TTN: variants seen among roughly 807,000 people sequenced by gnomAD.
The protein encoded by TTN is connectin.
TTN carries 1,525 observed loss-of-function variants against 3,223.0 expected under a neutral mutation model. The observed-to-expected ratio is 0.47, with a 90% confidence interval of 0.45 to 0.49. The LOEUF (loss-of-function observed/expected upper bound fraction) is 0.49, where lower values mean the gene tolerates loss of function less well. Among genes scored for constraint, TTN ranks in the 20% least tolerant of loss-of-function variants. The probability of loss-of-function intolerance (pLI) is 0.00; values close to 1 mark genes in which losing one functional copy is unlikely to be tolerated. For missense variants in TTN, 40,786 were observed against 43,424.0 expected, an observed-to-expected ratio of 0.94 and a Z score of 5.40; for synonymous variants, 14,094 against 15,161.0, an observed-to-expected ratio of 0.93 and a Z score of 5.17.
Position 178,546,090 on chromosome 2 carries a change from T to A in TTN, c.95146A>T (p.Thr31716Ser). ...LDSPGPCGKLTVSRVTQEKCT... is the reference protein window; with the variant it reads ...LDSPGPCGKLSVSRVTQEKCT... ...TTCTCCTGTGTTACTCTGCTGACGG[T>A]GAGCTTTCCACATGGGCCAGGGGAA... Residue 31716 changes from threonine to serine, a missense_variant, in exon 343 of 363, where the codon ACC (threonine) becomes TCC (serine). Thr to Ser is a moderately conservative substitution (Grantham distance 58). Transcript: ENST00000589042. 6.2e-7 allele frequency: 1 copy of A among 1,610,722 alleles called. No individual in the cohort carries two copies. Among genetic ancestry groups the A allele is most frequent in the Non-Finnish European group, 8.5e-7 (1 of 1,177,658 alleles).
At position 178,566,196 on chromosome 2, in the gene TTN, T is replaced by A; in HGVS notation, c.79936A>T (p.Thr26646Ser). ...TCACAGTTATCTATTGATAGTTGGGTATAGTTTACTCCCTTTTCAATTTGG... is the reference window on the plus strand; with the variant it reads ...TCACAGTTATCTATTGATAGTTGGGAATAGTTTACTCCCTTTTCAATTTGG... ...KVQIEKGVNY[T>S]QLSIDNCDRN... Residue 26646 changes from threonine to serine, a missense_variant, in exon 326 of 363, where the codon ACC (threonine) becomes TCC (serine). Physicochemically the swap from Thr to Ser is moderately conservative, Grantham distance 58. Coordinates refer to ENST00000589042, the MANE Select transcript of TTN (RefSeq NM_001267550.2). The A allele has an allele frequency of 6.2e-7, 1 of 1,613,724 alleles. No individual in the cohort carries two copies. The highest frequency in any genetic ancestry group is 8.5e-7 in the Non-Finnish European group (1 of 1,179,712).
Position 178,553,643 on chromosome 2 carries a change from C to T in TTN, c.89362G>A (p.Gly29788Arg), listed in dbSNP as rs761199633. ...EEEWTTVSTK[G>R]EVRTTEYVVS... ...ACATATTCTGTAGTTCTGACCTCTC[C>T]TTTGGTAGAGACAGTAGTCCATTCC... Residue 29788 changes from glycine to arginine, a missense_variant, in exon 334 of 363, where the codon GGA becomes AGA. Physicochemically the swap from Gly to Arg is moderately radical, Grantham distance 125. Coordinates refer to ENST00000589042, the MANE Select transcript of TTN (RefSeq NM_001267550.2). 2 of 1,613,856 alleles carry T rather than the reference C, an allele frequency of 1.2e-6. No homozygotes were observed. The highest frequency in any genetic ancestry group is 2.2e-5 in the South Asian group (2 of 91,082).
In TTN at chr2:178,554,961, T is replaced by G. The variant is rs761934380; in HGVS notation, c.88498A>C (p.Ile29500Leu). The G allele has an allele frequency of 6.8e-6, 11 of 1,613,770 alleles. No homozygotes were observed. In the South Asian group the frequency reaches 8.8e-5, roughly 13 times the overall value. ...ENTTDLASIL[I>L]KDADRLNSGC... ...CTATTAAGGCGATCGGCATCTTTGA[T>G]GAGTATAGATGCGAGGTCCGTGGTA... is the stretch of plus-strand genomic sequence containing the variant. The change falls in exon 331 of 363, where the codon ATC (isoleucine) becomes CTC (leucine). Residue 29500 changes from isoleucine (I) to leucine (L), a missense_variant. Transcript: ENST00000589042.
chr2:178,664,490 G>A lies in TTN; in HGVS notation c.36250C>T (p.Pro12084Ser), dbSNP rs745720476. The change falls in exon 168 of 363, where the codon CCC becomes TCC. Residue 12084 changes from proline (P) to serine (S), a missense_variant. Pro to Ser is a moderately conservative substitution (Grantham distance 74). Transcript: ENST00000589042. ...EVVPEKKVHP[P>S]QRAEVVPVKV... The stretch of plus-strand genomic sequence containing the variant: ...ACAGGTACAACTTCAGCCCTTTGGG[G>A]AGGATGCACTTTCTTTTCCGGGACA... 1.9e-6 allele frequency: 3 copies of A among 1,612,314 alleles called. No homozygotes were observed. The highest frequency in any genetic ancestry group is 1.7e-5 in the Admixed American group (1 of 59,972).
Position 178,692,005 on chromosome 2 carries a change from C to T in TTN, c.31762+11G>A, listed in dbSNP as rs2072570670. The T allele has an allele frequency of 1.2e-6, 2 of 1,607,826 alleles. No individual in the cohort carries two copies. Among genetic ancestry groups the T allele is most frequent in the East Asian group, 4.5e-5 (2 of 44,826 alleles). On this transcript the variant is annotated intron_variant, in intron 121 of 362. Transcript: ENST00000589042. Reference sequence around the variant, plus strand: ...GAGCAAAGAGTCTCCCCATCATTGGCTCTGGCGTACCTTTTGGGGGAGCAG... The same window carrying T: ...GAGCAAAGAGTCTCCCCATCATTGGTTCTGGCGTACCTTTTGGGGGAGCAG...
rs555617953 is a variant in TTN at position 178,625,182 on chromosome 2, T to C, written c.44548+91A>G. ...GATTATTTGGTTGATTTTAAACATC[T>C]ATAGTACTCATCATATAAAGATAAT... On this transcript the variant is annotated intron_variant, in intron 241 of 362. Coordinates refer to ENST00000589042, the MANE Select transcript of TTN (RefSeq NM_001267550.2). 5.4e-5 allele frequency: 78 copies of C among 1,454,936 alleles called. 1 individual carries two copies. The highest frequency in any genetic ancestry group is 5.0e-4 in the South Asian group (38 of 76,666). 90.1% of individuals were successfully genotyped at this position (1,454,936 alleles called of 1,614,324 possible). A position where few individuals can be genotyped will look rare whatever the true frequency, so the allele number is the denominator to read the frequency against.
At position 178,720,983 on chromosome 2, in the gene TTN, T is replaced by G. The variant is rs1052929607; in HGVS notation, c.23036A>C (p.Tyr7679Ser). 3.1e-6 allele frequency: 5 copies of G among 1,609,648 alleles called. No homozygotes were observed. The highest frequency in any genetic ancestry group is 4.3e-6 in the Non-Finnish European group (5 of 1,176,326). The change falls in exon 79 of 363, where the codon TAC (tyrosine) becomes TCC (serine). Residue 7679 changes from tyrosine (Y) to serine (S), a missense_variant. Coordinates refer to ENST00000589042, the MANE Select transcript of TTN (RefSeq NM_001267550.2). Reference protein sequence around the residue: ...NEASAEDSGDYICEAHNGVGD... With the variant: ...NEASAEDSGDSICEAHNGVGD... ...AACACCATTATGAGCCTCACAAATG[T>G]AGTCCCCGCTGTCTTCAGCACTAGC...
chr2:178,681,233 T>TA (rs2069317273), intron 137 of TTN, 62 bp from the exon 138 acceptor site: 1 of 1,488,390 alleles, frequency 6.7e-7, no homozygotes, highest in African/African-American at 1.4e-5. Flanking sequence ...ATGTAATAAA[T>TA]ACACATAAAA....
chr2:178,646,964 T>C (rs942050797), intron 215 of TTN, 100 bp downstream of exon 215: 1 of 403,054 alleles, frequency 2.5e-6, no homozygotes, highest in African/African-American at 2.1e-5. Flanking sequence ...TGCTCTTGTA[T>C]ATAATTTCAA....
chr2:178,759,227 A>G, intron 43 of TTN, 55 bp from the exon 44 acceptor site: 1 of 1,563,624 alleles, frequency 6.4e-7, no homozygotes, highest in Non-Finnish European at 8.8e-7. Context: ...GGATTTTTAC[A>G]ATTTACCTGC....
At chr2:178,685,038 T>G (rs2070479922) in intron 129 of TTN, 49 bp from the exon 130 acceptor site, 4 of 1,445,132 alleles carry the variant, frequency 2.8e-6, no homozygotes, top group Non-Finnish European at 3.8e-6. Flanking sequence ...ACATATGAAG[T>G]GACACAGTTG....
chr2:178,595,883 AAGG>A, intron 294 of TTN, 74 bp from the exon 295 acceptor site: 1 of 1,421,542 alleles, frequency 7.0e-7, no homozygotes, highest in Non-Finnish European at 9.5e-7. Flanking sequence ...GTTTTTTTAA[AAGG>A]AGACAAAAAT....
chr2:178,641,260 T>C lies in TTN; in HGVS notation c.40614A>G (p.Glu13538=), dbSNP rs1219492564. ...TCCTACCTGCAGGTTTTTTAACTTT[T>C]TCTAGTTTTTTAGGTTCTACTTTAG... ...EEPKVEPKKL[E]KVKKPAVPEP... The change falls in exon 220 of 363, where the codon GAA becomes GAG. Residue 13538 remains glutamate (E), a synonymous_variant. Coordinates refer to ENST00000589042, the MANE Select transcript of TTN (RefSeq NM_001267550.2). 1 of 1,511,522 alleles carries C rather than the reference T, an allele frequency of 6.6e-7. No homozygotes were observed. Among genetic ancestry groups the C allele is most frequent in the South Asian group, 1.3e-5 (1 of 77,286 alleles). The allele number at this position is 1,511,522 out of a possible 1,614,324, so 93.6% of individuals were successfully genotyped here.
Position 178,535,110 on chromosome 2 carries a change from A to G in TTN, c.101505T>C (p.Arg33835=), listed in dbSNP as rs368694347. The G allele has an allele frequency of 4.2e-5, 68 of 1,613,842 alleles. No individual in the cohort carries two copies. Among genetic ancestry groups the G allele is most frequent in the Non-Finnish European group, 5.5e-5 (65 of 1,179,846 alleles). Residue 33835 remains arginine (R), a synonymous_variant, in exon 358 of 363, where the codon CGT becomes CGC. Coordinates refer to ENST00000589042, the MANE Select transcript of TTN (RefSeq NM_001267550.2). The part of the protein sequence containing the change: ...LGRGEFGIVH[R]CVETSSKKTY... ...TCTTCTTTGAGGATGTTTCAACACA[A>G]CGATGGACAATTCCAAACTCACCAC...
chr2:178,604,364 C>T, intron 281 of TTN, 59 bp from the exon 282 acceptor site: 2 of 1,310,694 alleles, frequency 1.5e-6, no homozygotes, highest in Non-Finnish European at 2.0e-6. Flanking sequence ...GGTTTTCACT[C>T]ATTTAAAAAT....
chr2:178,680,988 C>A, intron 138 of TTN, 91 bp downstream of exon 138: 1 of 1,136,032 alleles, frequency 8.8e-7, no homozygotes, highest in East Asian at 2.5e-5. Context: ...ATTTAAAAGA[C>A]ATGAAACAAC....
intron 4 of TTN, 25 bp from the exon 5 acceptor site, chr2:178,799,935 T>C (rs2093975786): frequency 3.1e-6 from 5 of 1,611,280 alleles, no homozygotes; most frequent in Non-Finnish European, 4.2e-6. Context: ...AGATGAATGT[T>C]TGGGAGGGGG....
chr2:178,740,602 C>G lies in TTN; in HGVS notation c.12631G>C (p.Gly4211Arg). ...PLKTLLAEPEGNYPQSSIEPP... is the reference protein window; with the variant it reads ...PLKTLLAEPERNYPQSSIEPP... ...TCTATTGAAGACTGTGGATAATTCC[C>G]TTCAGGTTCAGCTAATAAAGTTTTC... is the stretch of plus-strand genomic sequence containing the variant. The change falls in exon 48 of 363, where the codon GGG becomes CGG. Residue 4211 changes from glycine to arginine, a missense_variant. Gly to Arg is a moderately radical substitution (Grantham distance 125, BLOSUM62 -2). Coordinates refer to ENST00000589042, the MANE Select transcript of TTN (RefSeq NM_001267550.2). 1.2e-6 allele frequency: 2 copies of G among 1,613,780 alleles called. No homozygotes were observed. The highest frequency in any genetic ancestry group is 1.7e-6 in the Non-Finnish European group (2 of 1,179,818).
At chr2:178,688,070 T>A (rs762058032) in intron 127 of TTN, 41 bp downstream of exon 127, 2 of 1,569,958 alleles carry the variant, frequency 1.3e-6, no homozygotes, top group Non-Finnish European at 1.7e-6. Context: ...AAACACCTCA[T>A]CAAAACCCCA....
Sources: gnomAD v4.1 joint callset for allele counts on GRCh38, gnomAD v4.1.1 for gene constraint, MANE v1.5 for transcripts, NCBI Gene and HGNC (gene_info 2026-07-23, HGNC 2026-07-21) for gene names.